SOS2: variants seen among roughly 807,000 people sequenced by gnomAD.
The protein encoded by SOS2 is son of sevenless homolog 2.
Under a neutral mutation model 148.2 loss-of-function variants are expected in SOS2, and 65 were observed. That is an observed-to-expected ratio of 0.44 (90% CI 0.36 to 0.54). SOS2 has a LOEUF of 0.54. Among genes scored for constraint, SOS2 ranks in the 20% least tolerant of loss-of-function variants. The pLI is 0.00. For missense variants in SOS2, 1,341 were observed against 1,590.2 expected, an observed-to-expected ratio of 0.84 and a Z score of 2.67; for synonymous variants, 539 against 537.1, an observed-to-expected ratio of 1.00 and a Z score of -0.05.
chr14:50,163,543 A>C (rs1260987715), intron 8 of SOS2, among the ~76,000 whole-genome samples: 1 of 152,248 alleles, frequency 6.6e-6, no homozygotes, highest in African/African-American at 2.4e-5. Context: ...GACTATTATT[A>C]GAAGTAATAC....
chr14:50,139,836 AG>A (rs1351417873), intron 17 of SOS2, 105 bp downstream of exon 17: 1 of 560,070 alleles, frequency 1.8e-6, no homozygotes, highest in African/African-American at 1.9e-5. Flanking sequence ...AGCTAATAAA[AG>A]TAGATGAGCT....
At chr14:50,226,353 TTA>T (rs1173540444) in intron 1 of SOS2, among the ~76,000 whole-genome samples, 1 of 152,172 alleles carries the variant, frequency 6.6e-6, no homozygotes, top group Non-Finnish European at 1.5e-5. Context: ...ATGACACCAG[TTA>T]TATTTTCTCA....
chr14:50,172,416 T>C (rs7151732), intron 8 of SOS2, among the ~76,000 whole-genome samples: 77,016 of 128,516 alleles, frequency 0.6, 24,210 homozygotes, highest in Non-Finnish European at 0.68. Flanking sequence ...TCTTTATTCA[T>C]TCCTTTTTTT....
chr14:50,186,052 C>T (rs1017756626), intron 5 of SOS2, among the ~76,000 whole-genome samples: 1 of 152,036 alleles, frequency 6.6e-6, no homozygotes, highest in African/African-American at 2.4e-5. Context: ...GAAATGCGAG[C>T]TTTTTGAAAA....
chr14:50,226,061 T>A (rs964019965), intron 1 of SOS2, among the ~76,000 whole-genome samples: 1 of 152,054 alleles, frequency 6.6e-6, no homozygotes, highest in African/African-American at 2.4e-5. Flanking sequence ...GATAATTGTT[T>A]ACTTCCTTAT....
At chr14:50,211,622 T>C (rs966795118) in intron 1 of SOS2, among the ~76,000 whole-genome samples, 2 of 151,328 alleles carry the variant, frequency 1.3e-5, no homozygotes, top group African/African-American at 4.8e-5. Context: ...ATTATTATTA[T>C]TATTATTATT....
At position 50,188,531 on chromosome 14, in the gene SOS2, G is replaced by C. The variant is rs756565236; in HGVS notation, c.680C>G (p.Ala227Gly). The C allele has an allele frequency of 6.3e-6, 10 of 1,599,226 alleles. No individual in the cohort carries two copies. In the East Asian group the frequency reaches 1.8e-4, roughly 29 times the overall value. The stretch of plus-strand genomic sequence containing the variant: ...AAACAGCTTTCTATCAGAAAGAAAG[G>C]CTTCTCGAAACACTTTTATGATCAT... ...LNMIIKVFRE[A>G]FLSDRKLFKP... The change falls in exon 5 of 23, where the codon GCC becomes GGC. Residue 227 changes from alanine to glycine, a missense_variant. Ala to Gly is a moderately conservative substitution (Grantham distance 60). Around this residue, in one of 4 missense-constraint regions of SOS2, gnomAD observed 574 missense variants for 711.1 expected, o/e 0.81. Coordinates refer to ENST00000216373, the MANE Select transcript of SOS2 (RefSeq NM_006939.4).
rs772587016 is a variant in SOS2 at position 50,118,582 on chromosome 14, G to A, written c.3761C>T (p.Thr1254Met). Residue 1254 changes from threonine (T) to methionine (M), a missense_variant, in exon 23 of 23, where the codon ACG becomes ATG. By Grantham distance (81) the Thr-to-Met change is moderately conservative. Around this residue, in one of 4 missense-constraint regions of SOS2, gnomAD observed 354 missense variants for 347.7 expected, o/e 1.02. Transcript: ENST00000216373. ...AGGAGTGCTTGGCGAATTTGGACAC[G>A]TACTAATGTCTCTGAGCCAGTCTGA... ...RDSDWLRDIS[T>M]CPNSPSTPPS... 9.9e-6 allele frequency: 16 copies of A among 1,613,994 alleles called. No homozygotes were observed. Among genetic ancestry groups the A allele is most frequent in the East Asian group, 4.5e-5 (2 of 44,886 alleles).
At chr14:50,194,303 T>C (rs1365470076) in intron 4 of SOS2, among the ~76,000 whole-genome samples, 6 of 152,140 alleles carry the variant, frequency 3.9e-5, no homozygotes, top group Non-Finnish European at 8.8e-5. Context: ...TGGCCCTTTA[T>C]AGGTAAAGTT....
intron 16 of SOS2, among the ~76,000 whole-genome samples, chr14:50,142,402 A>G (rs1227923121): frequency 6.6e-6 from 1 of 152,214 alleles, no homozygotes; most frequent in Non-Finnish European, 1.5e-5. Context: ...AAATATATGT[A>G]TAAAGCAGTT....
At position 50,206,735 on chromosome 14, in the gene SOS2, A is replaced by G. The variant is rs1286631516; in HGVS notation, c.88-2326T>C. ...AATTTCTTTAATTTTTAAACATGAGATTTTTTAAAAGGTTTTTAAAATTGA... is the reference window on the plus strand; with the variant it reads ...AATTTCTTTAATTTTTAAACATGAGGTTTTTTAAAAGGTTTTTAAAATTGA... On this transcript the variant is annotated intron_variant, in intron 1 of 22. Coordinates refer to ENST00000216373, the MANE Select transcript of SOS2 (RefSeq NM_006939.4). Among the ~76,000 whole-genome samples the G allele has an allele frequency of 4.0e-5, 6 of 150,810 alleles. No homozygotes were observed. The Admixed American group carries it at 4.0e-4, about 10-fold the overall frequency.
chr14:50,173,406 G>A (rs10143892), intron 8 of SOS2, among the ~76,000 whole-genome samples: 91,770 of 151,754 alleles, frequency 0.6, 28,397 homozygotes, highest in Middle Eastern at 0.69. Context: ...AGCATTTGAT[G>A]CTGGAGGTAG....
chr14:50,118,891 G>A, intron 22 of SOS2, 38 bp from the exon 23 acceptor site: 10 of 1,286,644 alleles, frequency 7.8e-6, no homozygotes, highest in Middle Eastern at 2.4e-4. Context: ...CCTCTATTCT[G>A]AAAAATTAAA....
chr14:50,217,848 C>A (rs533913622), intron 1 of SOS2, among the ~76,000 whole-genome samples: 1 of 151,838 alleles, frequency 6.6e-6, no homozygotes, highest in Non-Finnish European at 1.5e-5. Context: ...CCCAGCTACT[C>A]GGGAGGCTGA....
At chr14:50,178,705 TATATATACACACATATACACACAC>T (rs1885619862) in intron 7 of SOS2, among the ~76,000 whole-genome samples, 1 of 129,380 alleles carries the variant, frequency 7.7e-6, no homozygotes, top group African/African-American at 3.0e-5. Flanking sequence ...TATATATATA[TATATATACACACATATACACACAC>T]ATATATATAT....
chr14:50,125,499 T>C (rs532623904), intron 21 of SOS2, among the ~76,000 whole-genome samples: 108 of 151,950 alleles, frequency 7.1e-4, no homozygotes, highest in African/African-American at 2.5e-3. Context: ...ACAAGAAAAA[T>C]AAGAAATATC....
intron 16 of SOS2, among the ~76,000 whole-genome samples, chr14:50,141,639 C>G (rs903402766): frequency 1.3e-5 from 2 of 151,992 alleles, no homozygotes; most frequent in Non-Finnish European, 2.9e-5. Flanking sequence ...AAGAGATAAA[C>G]GATGTTCACA....
intron 5 of SOS2, among the ~76,000 whole-genome samples, chr14:50,187,555 T>C (rs1237525566): frequency 6.6e-6 from 1 of 151,814 alleles, no homozygotes; most frequent in Non-Finnish European, 1.5e-5. Context: ...TTCACCGTGT[T>C]AGCCAGGATG....
intron 10 of SOS2, among the ~76,000 whole-genome samples, 177 bp downstream of exon 10, chr14:50,159,251 TAAC>T (rs1200560796): frequency 6.6e-6 from 1 of 152,200 alleles, no homozygotes; most frequent in African/African-American, 2.4e-5. Context: ...TTAATGAAGT[TAAC>T]AATATTACAT....
Sources: allele counts gnomAD v4.1 joint callset (sites outside exome capture counted in the v4.1 genomes callset), GRCh38; gene constraint gnomAD v4.1.1; regional missense constraint gnomAD v4.1.1; transcripts MANE v1.5; gene names NCBI Gene and HGNC (gene_info 2026-07-23, HGNC 2026-07-21).